BFSP1: variants seen among roughly 807,000 people sequenced by gnomAD.
The protein encoded by BFSP1 is filensin.
A neutral mutation model predicts 43.9 loss-of-function variants in BFSP1; 38 were observed. The observed-to-expected ratio is 0.87, with a 90% CI of 0.67 to 1.14. The LOEUF is 1.14. Among genes scored for constraint, BFSP1 ranks in the 50% most tolerant of loss-of-function variants. The pLI, the probability that BFSP1 is intolerant of heterozygous loss-of-function variation, is 0.00. For synonymous variants in BFSP1, 352 were observed against 354.8 expected (o/e 0.99, Z 0.09); for missense variants, 850 against 875.1 (o/e 0.97, Z 0.36).
At chr20:17,563,985 T>C (rs2035092297) in intron 1 of BFSP1, among the ~76,000 whole-genome samples, 1 of 151,690 alleles carries the variant, frequency 6.6e-6, no homozygotes, top group Admixed American at 6.6e-5. Context: ...CTAGCAGTCA[T>C]CCTGGACTGT....
rs79129997 is a variant in BFSP1 at position 17,544,829 on chromosome 20, C to T, written c.2+13859G>A. 2.0e-4 allele frequency among the ~76,000 whole-genome samples: 30 copies of T among 152,284 alleles called. No homozygotes were observed. The East Asian group carries it at 5.0e-3, about 25-fold the overall frequency. On this transcript the variant is annotated intron_variant, in intron 1 of 7. Transcript: ENST00000377868. Reference sequence around the variant, plus strand: ...TTTCCAAAAATCATCAAGCTTTTAGCAGCTGTAATAATAGGCTTCCCCAGT... The same window carrying T: ...TTTCCAAAAATCATCAAGCTTTTAGTAGCTGTAATAATAGGCTTCCCCAGT...
chr20:17,553,489 T>C (rs375271245), intron 1 of BFSP1, among the ~76,000 whole-genome samples: 1 of 152,132 alleles, frequency 6.6e-6, no homozygotes, highest in Non-Finnish European at 1.5e-5. Flanking sequence ...GAAAAATTCA[T>C]TGGCAATTCA....
chr20:17,530,992 C>T lies in BFSP1; in HGVS notation c.338G>A (p.Gly113Asp). The T allele has an allele frequency of 6.9e-7, 1 of 1,438,934 alleles. No individual in the cohort carries two copies. The allele number at this position is 1,438,934 out of a possible 1,614,324, so 89.1% of individuals were successfully genotyped here. The change falls in exon 1 of 8, where the codon GGC becomes GAC. Residue 113 changes from glycine (G) to aspartate (D), a missense_variant. Gly to Asp is a moderately conservative substitution (Grantham distance 94, BLOSUM62 -1). Transcript: ENST00000377873. ...EAERARLERQ[G>D]TEAQRALDEF... ...GTCGAGCGCGCGCTGCGCCTCGGTG[C>T]CCTGGCGCTCCAGCCGGGCGCGCTC...
upstream of BFSP1, among the ~76,000 whole-genome samples, chr20:17,562,136 G>T (rs149260041): frequency 6.6e-6 from 1 of 151,636 alleles, no homozygotes; most frequent in South Asian, 2.1e-4. Flanking sequence ...TGGCCAGACT[G>T]GTCTCGAACT....
intron 5 of BFSP1, among the ~76,000 whole-genome samples, chr20:17,508,483 G>A (rs2033993738): frequency 6.6e-6 from 1 of 152,214 alleles, no homozygotes; most frequent in South Asian, 2.1e-4. Context: ...GCACAGATTT[G>A]AACAAGTGGA....
At chr20:17,543,368 C>A (rs756808240) in intron 1 of BFSP1, among the ~76,000 whole-genome samples, 3 of 152,180 alleles carry the variant, frequency 2.0e-5, no homozygotes, top group Non-Finnish European at 4.4e-5. Context: ...CCTCACACAG[C>A]GTCATGACCG....
Position 17,511,983 on chromosome 20 carries a change from A to G in BFSP1, c.620T>C (p.Met207Thr). Residue 207 changes from methionine (M) to threonine (T), a missense_variant, in exon 4 of 8, where the codon ATG becomes ACG. Coordinates refer to ENST00000377873, the MANE Select transcript of BFSP1 (RefSeq NM_001195.5). ...TCCTGCTTCAATTCTTACCTCCCTCATCCCACTCGTCACAATGGATGCTGG... is the reference window on the plus strand; with the variant it reads ...TCCTGCTTCAATTCTTACCTCCCTCGTCCCACTCGTCACAATGGATGCTGG... ...TPPASIVTSG[M>T]REEKLLTERE... 1.2e-6 allele frequency: 2 copies of G among 1,605,166 alleles called. No homozygotes were observed. Among genetic ancestry groups the G allele is most frequent in the Non-Finnish European group, 8.5e-7 (1 of 1,172,062 alleles).
In BFSP1 at chr20:17,507,262, C is replaced by T. The variant is rs969214853; in HGVS notation, c.735+1627G>A. Among the ~76,000 whole-genome samples the T allele has an allele frequency of 6.9e-6, 1 of 143,972 alleles. No homozygotes were observed. The highest frequency in any genetic ancestry group is 1.5e-5 in the Non-Finnish European group (1 of 67,538). The allele number at this position is 143,972 out of a possible 152,430, so 94.5% of individuals were successfully genotyped here. On this transcript the variant is annotated intron_variant, in intron 5 of 7. Transcript: ENST00000377873. The surrounding 1 kb of genome is among the most constrained non-coding windows in gnomAD (Gnocchi z 4.4). ...ATTTCTCATTGCGAGCCATACACATCAGATAGGTAGGTGTGTGTGTGTGTG... is the reference window on the plus strand; with the variant it reads ...ATTTCTCATTGCGAGCCATACACATTAGATAGGTAGGTGTGTGTGTGTGTG...
intron 1 of BFSP1, among the ~76,000 whole-genome samples, chr20:17,543,189 A>G (rs2034746460): frequency 6.6e-6 from 1 of 152,208 alleles, no homozygotes; most frequent in Non-Finnish European, 1.5e-5. Context: ...ACCACAAATC[A>G]TTTGTTTCAT....
At chr20:17,550,748 C>T (rs2034884214) in intron 1 of BFSP1, among the ~76,000 whole-genome samples, 1 of 152,226 alleles carries the variant, frequency 6.6e-6, no homozygotes, top group Admixed American at 6.5e-5. Flanking sequence ...GCTGGGATTA[C>T]AGGCGTGAGC....
chr20:17,520,780 G>C (rs1311997560), intron 2 of BFSP1, among the ~76,000 whole-genome samples: 1 of 152,100 alleles, frequency 6.6e-6, no homozygotes. Context: ...TCATTTCCGG[G>C]CTCAGAGGAA....
chr20:17,518,069 C>G (rs75393074), intron 2 of BFSP1, among the ~76,000 whole-genome samples: 1 of 152,160 alleles, frequency 6.6e-6, no homozygotes. Context: ...GCCCTGGCAC[C>G]GGGCTCCTGC....
chr20:17,516,507 T>C (rs1026502707), intron 2 of BFSP1, among the ~76,000 whole-genome samples: 2 of 152,174 alleles, frequency 1.3e-5, no homozygotes, highest in Non-Finnish European at 2.9e-5. Context: ...AAGTGTTCTC[T>C]TAGCACCTAA....
In BFSP1 at chr20:17,526,847, T is replaced by C. The variant is rs11906895; in HGVS notation, c.378-1939A>G. On this transcript the variant is annotated intron_variant, in intron 1 of 7. Coordinates refer to ENST00000377873, the MANE Select transcript of BFSP1 (RefSeq NM_001195.5). ...TTTTCTGTTGTTTTTTGTTTTGTTT[T>C]GTTTTTTATAGTTGCCATCCTAATT... is the stretch of plus-strand genomic sequence containing the variant. 4.0e-3 allele frequency among the ~76,000 whole-genome samples: 616 copies of C among 152,360 alleles called. 3 individuals carry two copies. The highest frequency in any genetic ancestry group is 0.014 in the African/African-American group (590 of 41,580).
chr20:17,504,210 C>T (rs1044330756), intron 5 of BFSP1, among the ~76,000 whole-genome samples: 7 of 152,186 alleles, frequency 4.6e-5, no homozygotes, highest in African/African-American at 9.7e-5. Context: ...CCTCCAACTC[C>T]GTACTGGTCG....
chr20:17,537,588 A>C (rs1452164172), intron 1 of BFSP1, among the ~76,000 whole-genome samples: 2 of 151,748 alleles, frequency 1.3e-5, no homozygotes, highest in Non-Finnish European at 2.9e-5. Context: ...AAAAAAAAAA[A>C]ACAAATTTGT....
At chr20:17,542,985 C>T (rs886835678) in intron 1 of BFSP1, among the ~76,000 whole-genome samples, 1 of 152,186 alleles carries the variant, frequency 6.6e-6, no homozygotes, top group African/African-American at 2.4e-5. Flanking sequence ...ATAGTTTCAG[C>T]ACCGCTAGAG....
At chr20:17,546,775 C>T (rs2034807485) in intron 1 of BFSP1, among the ~76,000 whole-genome samples, 1 of 152,016 alleles carries the variant, frequency 6.6e-6, no homozygotes, top group African/African-American at 2.4e-5. Flanking sequence ...CCTGTAATCC[C>T]AATACTTTGG....
chr20:17,508,453 C>G (rs145608195), intron 5 of BFSP1, among the ~76,000 whole-genome samples: 45 of 152,320 alleles, frequency 3.0e-4, no homozygotes, highest in South Asian at 1.0e-3. Flanking sequence ...AGAACTGTTA[C>G]CATGAGAAGG....
Sources: gnomAD v4.1 joint callset for allele counts (sites outside exome capture counted in the v4.1 genomes callset) on GRCh38, gnomAD v4.1.1 for gene constraint, Gnocchi (gnomAD v3.1) non-coding constraint, MANE v1.5 for transcripts, NCBI Gene and HGNC (gene_info 2026-07-23, HGNC 2026-07-21) for gene names.